The following USP30 variants were observed in gnomAD, a reference collection of about 807,000 sequenced individuals.
The protein encoded by USP30 is ubiquitin specific peptidase 30.
USP30 carries 41 observed loss-of-function variants against 68.2 expected under a neutral mutation model. The ratio of observed to expected loss-of-function variants is 0.60; its 90% CI spans 0.47 to 0.78. The LOEUF is 0.78. Ranked by LOEUF, USP30 falls within the 30% of genes least tolerant of loss-of-function variation. USP30 has a pLI of 0.00. For missense variants in USP30, 522 were observed against 649.4 expected (o/e 0.80, Z 2.13); for synonymous variants, 229 against 253.7 (o/e 0.90, Z 0.93).
intron 7 of USP30, among the ~76,000 whole-genome samples, chr12:109,073,918 C>CATTTT (rs749173778): frequency 6.6e-6 from 1 of 152,116 alleles, no homozygotes; most frequent in Non-Finnish European, 1.5e-5. Context: ...CACCCCAATC[C>CATTTT]ATTTTATTTT....
rs2041411776 is a variant in USP30, at chr12:109,070,697, G to A, written c.481-915G>A. On this transcript the variant is annotated intron_variant, in intron 4 of 12. Coordinates refer to ENST00000257548, the MANE Select transcript of USP30 (RefSeq NM_032663.5). The surrounding 1 kb of genome is among the most constrained non-coding windows in gnomAD (Gnocchi z 4.0). ...ACCCCGTTACTCCCGGAAGAGTGAG[G>A]GGTGGCTTGGGTTTTTGGGGAGAGA... 6.6e-6 allele frequency among the ~76,000 whole-genome samples: 1 copy of A among 152,154 alleles called. No homozygotes were observed. The highest frequency in any genetic ancestry group is 2.1e-4 in the South Asian group (1 of 4,822).
intron 3 of USP30, among the ~76,000 whole-genome samples, chr12:109,039,213 G>A (rs994448944): frequency 6.6e-6 from 1 of 152,100 alleles, no homozygotes; most frequent in African/African-American, 2.4e-5. Flanking sequence ...TCCTCAGAAA[G>A]TTTTACAGTT....
chr12:109,080,928 CGATGTTTACACAAT>C (rs2041778303), intron 7 of USP30, among the ~76,000 whole-genome samples: 1 of 152,142 alleles, frequency 6.6e-6, no homozygotes, highest in Non-Finnish European at 1.5e-5. Context: ...GCGCGCTCTG[CGATGTTTACACAAT>C]GATGACATCA....
intron 3 of USP30, among the ~76,000 whole-genome samples, chr12:109,062,616 C>T (rs773805067): frequency 9.9e-5 from 15 of 152,214 alleles, no homozygotes; most frequent in Non-Finnish European, 1.9e-4. Context: ...GCTTGAGCCA[C>T]CGCGCCCAGC....
intron 2 of USP30, chr12:109,025,104 C>T (rs1223728985): frequency 6.6e-6 from 1 of 152,200 alleles, no homozygotes; most frequent in East Asian, 1.9e-4. Context: ...GGAGCTGTTT[C>T]TTCTCCTGCC....
chr12:109,076,410 CTT>C (rs60618572), intron 7 of USP30, among the ~76,000 whole-genome samples: 2,230 of 135,570 alleles, frequency 0.016, 23 homozygotes, highest in African/African-American at 0.029. Flanking sequence ...ATCTTTATTC[CTT>C]TTTTTTTTTT....
In USP30 at chr12:109,045,360, T is replaced by G. The variant is rs564637047; in HGVS notation, c.-135-2230T>G. Among the ~76,000 whole-genome samples the G allele has an allele frequency of 1.1e-4, 16 of 152,294 alleles. No individual in the cohort carries two copies. In the East Asian group the frequency reaches 2.9e-3, roughly 28 times the overall value. ...AGCCCATTCTCAGGTGTTAATGAGA[T>G]CCCAGCTAAAATCAGGGCTGGGTTG... On this transcript the variant is annotated intron_variant, in intron 3 of 15. Coordinates refer to the USP30 transcript ENST00000392784.
intron 3 of USP30, among the ~76,000 whole-genome samples, chr12:109,060,764 C>A (rs927326017): frequency 6.6e-6 from 1 of 151,998 alleles, no homozygotes. Context: ...AAGCAATTCT[C>A]CTGCCTCAGC....
intron 3 of USP30, among the ~76,000 whole-genome samples, chr12:109,065,961 C>CTAAGATGTG (rs1475010602): frequency 6.6e-6 from 1 of 152,094 alleles, no homozygotes; most frequent in Non-Finnish European, 1.5e-5. Context: ...TCCACAAAGC[C>CTAAGATGTG]TAAGATGTGG....
At chr12:109,024,602 C>T (rs951566284) in intron 1 of USP30, among the ~76,000 whole-genome samples, 1 of 151,360 alleles carries the variant, frequency 6.6e-6, no homozygotes, top group African/African-American at 2.4e-5. Context: ...TTAAGGAATA[C>T]CTAGAGAACT....
Position 109,082,679 on chromosome 12 carries a change from C to T in USP30, c.884C>T (p.Thr295Met), listed in dbSNP as rs747957066. 5 of 1,614,132 alleles carry T rather than the reference C, an allele frequency of 3.1e-6. No individual in the cohort carries two copies. In the African/African-American group the frequency reaches 4.0e-5, roughly 13 times the overall value. ...TTATTTCAGATTGAAGCCAAGGGAA[C>T]GTTGAACGGGGAAAAGGTGGAACAC... ...DNCTKIEAKG[T>M]LNGEKVEHQR... Residue 295 changes from threonine (T) to methionine (M), a missense_variant, in exon 10 of 13, where the codon ACG becomes ATG. By Grantham distance (81) the Thr-to-Met change is moderately conservative. Coordinates refer to ENST00000257548, the MANE Select transcript of USP30 (RefSeq NM_032663.5).
intron 3 of USP30, among the ~76,000 whole-genome samples, chr12:109,032,526 G>A (rs984754000): frequency 1.5e-4 from 23 of 152,322 alleles, no homozygotes; most frequent in African/African-American, 5.5e-4. Context: ...TGTGTTAGGT[G>A]AAACAATCCA....
At chr12:109,080,419 A>G (rs2041762579) in intron 7 of USP30, among the ~76,000 whole-genome samples, 1 of 152,114 alleles carries the variant, frequency 6.6e-6, no homozygotes. Flanking sequence ...CGTTCATTCA[A>G]ACGGTTTTGT....
At chr12:109,084,332 T>C (rs373780818) in intron 11 of USP30, among the ~76,000 whole-genome samples, 4 of 152,338 alleles carry the variant, frequency 2.6e-5, no homozygotes, top group South Asian at 2.1e-4. Flanking sequence ...AATTATGTTG[T>C]CTACCCATAA....
At chr12:109,084,307 T>C (rs2041886864) in intron 11 of USP30, among the ~76,000 whole-genome samples, 1 of 152,150 alleles carries the variant, frequency 6.6e-6, no homozygotes, top group Non-Finnish European at 1.5e-5. Flanking sequence ...GGAAAAGACA[T>C]GTAAATATGG....
intron 3 of USP30, among the ~76,000 whole-genome samples, chr12:109,044,553 T>A (rs1245743542): frequency 6.6e-6 from 1 of 151,800 alleles, no homozygotes; most frequent in Non-Finnish European, 1.5e-5. Flanking sequence ...GGAAGGATCA[T>A]CTGAGCTCTG....
rs554524038 is a variant in USP30, at chr12:109,072,710, A to G, written c.625+360A>G. 3.3e-5 allele frequency among the ~76,000 whole-genome samples: 5 copies of G among 152,290 alleles called. No homozygotes were observed. The East Asian group carries it at 9.7e-4, about 29-fold the overall frequency. On this transcript the variant is annotated intron_variant, in intron 6 of 12. Coordinates refer to ENST00000257548, the MANE Select transcript of USP30 (RefSeq NM_032663.5). ...ATTACCACAGTCATCCTTAGGAGGA[A>G]ATTGTTGTTTTCTTAAGACTTAAAA... is the stretch of plus-strand genomic sequence containing the variant.
chr12:109,038,602 A>G (rs954315838), intron 3 of USP30, among the ~76,000 whole-genome samples: 1 of 152,188 alleles, frequency 6.6e-6, no homozygotes, highest in African/African-American at 2.4e-5. Flanking sequence ...GTGTGGGCTT[A>G]TATTTCCCTT....
intron 3 of USP30, among the ~76,000 whole-genome samples, chr12:109,034,426 G>A (rs980832940): frequency 2.8e-4 from 43 of 152,160 alleles, no homozygotes; most frequent in African/African-American, 1.0e-3. Context: ...AGCCACTTGA[G>A]AAGAAAGTGT....
Sources: gnomAD v4.1 joint callset for allele counts (sites outside exome capture counted in the v4.1 genomes callset) on GRCh38, gnomAD v4.1.1 for gene constraint, Gnocchi (gnomAD v3.1) non-coding constraint, MANE v1.5 for transcripts, NCBI Gene and HGNC (gene_info 2026-07-23, HGNC 2026-07-21) for gene names.